Variants in TNFSF11 observed in about 807,000 individuals in gnomAD.
The protein encoded by TNFSF11 is TNF superfamily member 11.
Under a neutral mutation model 32.2 loss-of-function variants are expected in TNFSF11, and 12 were observed. The ratio of observed to expected loss-of-function variants is 0.37; its 90% confidence interval spans 0.24 to 0.60. The LOEUF is 0.60. TNFSF11 is among the 20% of genes least tolerant of loss of function. The pLI is 0.66. For synonymous variants in TNFSF11, 172 were observed against 152.1 expected (o/e 1.13, Z -0.96); for missense variants, 345 against 398.0 (o/e 0.87, Z 1.13).
intron 1 of TNFSF11, among the ~76,000 whole-genome samples, chr13:42,580,408 C>A (rs773596615): frequency 3.9e-5 from 6 of 152,170 alleles, no homozygotes. Context: ...CTCCAGCACA[C>A]GTCTGTAATA....
Position 42,597,724 on chromosome 13 carries a change from C to T in TNFSF11, c.388-3028C>T, listed in dbSNP as rs1868899510. ...CCCCAAATCTACTGGATCAGAAACT[C>T]TGGGGCTGGTCCCAGCAGCCTGTTT... On this transcript the variant is annotated intron_variant, in intron 2 of 4. Transcript: ENST00000398795. Among the ~76,000 whole-genome samples the T allele has an allele frequency of 2.0e-5, 3 of 152,232 alleles. No homozygotes were observed. In the South Asian group the frequency reaches 6.2e-4, roughly 32 times the overall value.
At chr13:42,598,474 A>T (rs1282761693) in intron 2 of TNFSF11, among the ~76,000 whole-genome samples, 1 of 152,232 alleles carries the variant, frequency 6.6e-6, no homozygotes, top group Non-Finnish European at 1.5e-5. Context: ...GAACAGAGGA[A>T]GGTCTATTCC....
chr13:42,599,338 TATCTATCTATC>T (rs748438288), intron 2 of TNFSF11, among the ~76,000 whole-genome samples: 1,094 of 105,968 alleles, frequency 0.01, 7 homozygotes, highest in Non-Finnish European at 0.015. Context: ...TCTATCTATC[TATCTATCTATC>T]ATCTATCTAT....
intron 2 of TNFSF11, among the ~76,000 whole-genome samples, chr13:42,590,173 G>C (rs1297886786): frequency 6.6e-6 from 1 of 152,236 alleles, no homozygotes; most frequent in Non-Finnish European, 1.5e-5. Context: ...CTCAGTGAAA[G>C]TTTAAAGAAC....
intron 4 of TNFSF11, among the ~76,000 whole-genome samples, chr13:42,603,333 A>G (rs1173322328): frequency 1.3e-5 from 2 of 152,166 alleles, no homozygotes; most frequent in Non-Finnish European, 2.9e-5. Context: ...ACTTAGCAGC[A>G]GGGACTGAAG....
At position 42,581,307 on chromosome 13, in the gene TNFSF11, G is replaced by A. The variant is rs2277439; in HGVS notation, c.387+14G>A. On this transcript the variant is annotated intron_variant, in intron 2 of 4. Transcript: ENST00000398795. ...GCTGTGCAAAAGGTAAGTCCACATC[G>A]AGGCTGATAAGTCAAGGGCCCTTGC... 0.82 allele frequency: 1,322,791 copies of A among 1,613,398 alleles called. 544,245 individuals are homozygous for A. The highest frequency in any genetic ancestry group is 0.88 in the South Asian group (80,487 of 91,034).
intron 2 of TNFSF11, among the ~76,000 whole-genome samples, chr13:42,568,333 G>T (rs1041967286): frequency 6.6e-6 from 1 of 152,190 alleles, no homozygotes; most frequent in African/African-American, 2.4e-5. Context: ...CCAGTGGCAG[G>T]CTGCCCTTCC....
rs567626840 is a variant in TNFSF11, at chr13:42,581,219, G to C, written c.313G>C (p.Glu105Gln). ...ENADFQDTTL[E>Q]SQDTKLIPDS... ...TGCAGATTTTCAAGACACAACTCTGGAGAGTCAAGATACAAAATTAATACC... is the reference window on the plus strand; with the variant it reads ...TGCAGATTTTCAAGACACAACTCTGCAGAGTCAAGATACAAAATTAATACC... The change falls in exon 2 of 5, where the codon GAG becomes CAG. Residue 105 changes from glutamate (E) to glutamine (Q), a missense_variant. By Grantham distance (29) the Glu-to-Gln change is conservative. Coordinates refer to ENST00000398795, the MANE Select transcript of TNFSF11 (RefSeq NM_003701.4). The C allele has an allele frequency of 6.2e-7, 1 of 1,614,034 alleles. No individual in the cohort carries two copies. The highest frequency in any genetic ancestry group is 1.1e-5 in the South Asian group (1 of 91,068).
intron 2 of TNFSF11, among the ~76,000 whole-genome samples, chr13:42,589,650 C>T (rs183996921): frequency 1.4e-3 from 211 of 152,306 alleles, no homozygotes; most frequent in Non-Finnish European, 2.5e-3. Flanking sequence ...TTGTACTCCA[C>T]GGCCTCACCA....
At chr13:42,589,310 A>G (rs1874049054) in intron 2 of TNFSF11, among the ~76,000 whole-genome samples, 1 of 152,024 alleles carries the variant, frequency 6.6e-6, no homozygotes, top group African/African-American at 2.4e-5. Context: ...ACCTTCAAGT[A>G]TTGTCTCTAC....
At chr13:42,573,800 G>A (rs897824464), upstream of TNFSF11, among the ~76,000 whole-genome samples, 4 of 152,190 alleles carry the variant, frequency 2.6e-5, no homozygotes, top group African/African-American at 7.2e-5. Context: ...AGGATGTGAA[G>A]TCCCTTCTCT....
At chr13:42,591,472 T>C (rs543781238) in intron 2 of TNFSF11, among the ~76,000 whole-genome samples, 31 of 152,182 alleles carry the variant, frequency 2.0e-4, no homozygotes, top group African/African-American at 7.2e-4. Context: ...TGGTGTCTTA[T>C]AGGGCTCTGC....
chr13:42,589,785 C>T (rs754947658), intron 2 of TNFSF11, among the ~76,000 whole-genome samples: 1 of 152,214 alleles, frequency 6.6e-6, no homozygotes, highest in Non-Finnish European at 1.5e-5. Context: ...CTCAGAAACC[C>T]ACAGGACTCC....
chr13:42,573,582 T>C (rs965106650), upstream of TNFSF11, among the ~76,000 whole-genome samples: 13 of 152,186 alleles, frequency 8.5e-5, no homozygotes, highest in African/African-American at 3.1e-4. Context: ...GGCTCTCTAC[T>C]GCCACATTCA....
At chr13:42,588,892 C>A (rs995206172) in intron 2 of TNFSF11, among the ~76,000 whole-genome samples, 11 of 152,150 alleles carry the variant, frequency 7.2e-5, no homozygotes, top group African/African-American at 2.7e-4. Flanking sequence ...CAAGAGCTGT[C>A]TGTTTCTGAG....
intron 2 of TNFSF11, among the ~76,000 whole-genome samples, chr13:42,591,166 C>A (rs951847055): frequency 6.6e-6 from 1 of 152,030 alleles, no homozygotes; most frequent in African/African-American, 2.4e-5. Context: ...AGTGGTGGTG[C>A]GGAGTGTGTA....
chr13:42,598,691 G>C (rs1868957126), intron 2 of TNFSF11, among the ~76,000 whole-genome samples: 1 of 152,202 alleles, frequency 6.6e-6, no homozygotes, highest in South Asian at 2.1e-4. Flanking sequence ...GGAAACTGCT[G>C]ATGTGAGAAA....
At chr13:42,588,979 G>A (rs1221959057) in intron 2 of TNFSF11, among the ~76,000 whole-genome samples, 1 of 152,198 alleles carries the variant, frequency 6.6e-6, no homozygotes, top group South Asian at 2.1e-4. Flanking sequence ...CTTAGCTTCT[G>A]CATCACTAGG....
chr13:42,583,154 T>C (rs975891271), intron 2 of TNFSF11, among the ~76,000 whole-genome samples: 7 of 151,970 alleles, frequency 4.6e-5, no homozygotes, highest in African/African-American at 1.7e-4. Flanking sequence ...CTCACACTTG[T>C]AATCCCAGCA....
Sources: allele counts gnomAD v4.1 joint callset (sites outside exome capture counted in the v4.1 genomes callset), GRCh38; gene constraint gnomAD v4.1.1; transcripts MANE v1.5; gene names NCBI Gene and HGNC (gene_info 2026-07-23, HGNC 2026-07-21).